Variants in WNK3 observed in about 807,000 individuals in gnomAD.
The protein encoded by WNK3 is WNK lysine deficient protein kinase 3.
WNK3 carries 18 observed loss-of-function variants against 116.7 expected under a neutral mutation model. That is an observed-to-expected ratio of 0.15 (90% confidence interval 0.11 to 0.23). The LOEUF (loss-of-function observed/expected upper bound fraction) is 0.23, where lower values mean the gene tolerates loss of function less well. Ranked by LOEUF, WNK3 falls within the 10% of genes least tolerant of loss-of-function variation. WNK3 has a pLI of 1.00. For missense variants in WNK3, 993 were observed against 1,323.8 expected (o/e 0.75, Z 3.88); for synonymous variants, 404 against 469.4 (o/e 0.86, Z 1.80).
intron 13 of WNK3, 32 bp downstream of exon 13, chrX:54,253,926 GA>G: frequency 1.1e-6 from 1 of 943,680 alleles, no homozygotes; most frequent in Non-Finnish European, 1.5e-6. Context: ...ACAGAATGCT[GA>G]AGGGAAGATA....
intron 1 of WNK3, among the ~76,000 whole-genome samples, chrX:54,345,421 C>A (rs1234545637): frequency 9.1e-6 from 1 of 110,145 alleles, no homozygotes; most frequent in African/African-American, 3.3e-5. Context: ...AAAACATACT[C>A]GGAATGAACT....
At chrX:54,230,842 A>G (rs1172446619) in intron 21 of WNK3, among the ~76,000 whole-genome samples, 2 of 112,490 alleles carry the variant, frequency 1.8e-5, no homozygotes, top group Non-Finnish European at 3.8e-5. Context: ...AGGAATCCCA[A>G]AGACAGCCTC....
At chrX:54,347,439 T>C (rs1214920602) in intron 1 of WNK3, among the ~76,000 whole-genome samples, 2 of 111,175 alleles carry the variant, frequency 1.8e-5, no homozygotes, top group Middle Eastern at 4.6e-3. Context: ...TGAGCCAAGA[T>C]AGCGCCACTG....
chrX:54,202,156 T>C (rs781897605), exon 23 of WNK3: 1 of 1,208,505 alleles, frequency 8.3e-7, no homozygotes, highest in South Asian at 1.8e-5. Context: ...CTGGAGACTG[T>C]TGGCATGATG....
intron 1 of WNK3, among the ~76,000 whole-genome samples, chrX:54,344,545 CCACAATCAATGAT>C (rs1178667125): frequency 8.8e-6 from 1 of 113,169 alleles, no homozygotes; most frequent in Non-Finnish European, 1.9e-5. Flanking sequence ...GTGGTTCTGA[CCACAATCAATGAT>C]CACAAACATA....
chrX:54,303,799 T>C (rs2068793596), intron 5 of WNK3, among the ~76,000 whole-genome samples: 1 of 111,748 alleles, frequency 8.9e-6, no homozygotes, highest in Non-Finnish European at 1.9e-5. Context: ...ATTGACCTGT[T>C]ATTCTACCTA....
At chrX:54,215,883 T>C (rs1247587484) in intron 22 of WNK3, among the ~76,000 whole-genome samples, 2 of 111,760 alleles carry the variant, frequency 1.8e-5, no homozygotes, top group African/African-American at 6.5e-5. Context: ...ATTGTTACTG[T>C]GTCTGTGTAG....
chrX:54,202,535 A>G (rs1201582626), intron 22 of WNK3, among the ~76,000 whole-genome samples: 1 of 110,041 alleles, frequency 9.1e-6, no homozygotes. Context: ...TACTAAAAAT[A>G]CAAAAATTAG....
intron 1 of WNK3, among the ~76,000 whole-genome samples, chrX:54,344,262 T>G (rs1221492597): frequency 4.5e-5 from 5 of 109,908 alleles, no homozygotes; most frequent in African/African-American, 9.9e-5. Context: ...GCTAACACGA[T>G]GAAACCCCGT....
At chrX:54,299,486 G>A (rs1364869100) in intron 6 of WNK3, among the ~76,000 whole-genome samples, 1 of 98,181 alleles carries the variant, frequency 1.0e-5, no homozygotes, top group Non-Finnish European at 2.0e-5. Flanking sequence ...GTGCAGTCGC[G>A]TGATCTTGGC....
At chrX:54,287,386 C>T (rs1207061389) in intron 10 of WNK3, among the ~76,000 whole-genome samples, 2 of 111,603 alleles carry the variant, frequency 1.8e-5, no homozygotes, top group East Asian at 5.7e-4. Flanking sequence ...CTGTTATTCC[C>T]TCTGTCTGAA....
chrX:54,254,807 T>C (rs1421020442), intron 12 of WNK3, among the ~76,000 whole-genome samples: 1 of 111,737 alleles, frequency 8.9e-6, no homozygotes, highest in Non-Finnish European at 1.9e-5. Flanking sequence ...AAGGCATACA[T>C]GATATATTAG....
At chrX:54,356,468 G>A in intron 1 of WNK3, among the ~76,000 whole-genome samples, 2 of 110,750 alleles carry the variant, frequency 1.8e-5, no homozygotes, top group Middle Eastern at 9.4e-3. Context: ...GCTCCACCAC[G>A]CCCGGCTAAG....
At chrX:54,196,634 T>TA (rs1557140218) in exon 24 of WNK3, 30 of 111,844 alleles carry the variant, frequency 2.7e-4, no homozygotes, top group Non-Finnish European at 1.9e-5. Flanking sequence ...GAAATGACCT[T>TA]AAAGTCTTCA....
Position 54,210,433 on chromosome X carries a change from C to A in WNK3, c.4871-8240G>T, listed in dbSNP as rs1035168726. Among the ~76,000 whole-genome samples, 6 of 111,112 alleles carry A rather than the reference C, an allele frequency of 5.4e-5. No homozygotes were observed. The Admixed American group carries it at 5.8e-4, about 11-fold the overall frequency. Reference sequence around the variant, plus strand: ...GTCAGGAGTTTGAAATCAGCCTGGGCAACATAGCAAGACCCCATCTCTACA... The same window carrying A: ...GTCAGGAGTTTGAAATCAGCCTGGGAAACATAGCAAGACCCCATCTCTACA... On this transcript the variant is annotated intron_variant, in intron 22 of 23. Coordinates refer to ENST00000354646, the Ensembl canonical transcript of WNK3.
chrX:54,310,602 G>A (rs934813105), intron 3 of WNK3, among the ~76,000 whole-genome samples: 8 of 67,543 alleles, frequency 1.2e-4, no homozygotes, highest in Admixed American at 8.7e-4. Flanking sequence ...CTCTATAATA[G>A]ATTTTTAATT....
intron 22 of WNK3, among the ~76,000 whole-genome samples, chrX:54,206,855 C>A (rs923391592): frequency 9.0e-6 from 1 of 111,182 alleles, no homozygotes; most frequent in Non-Finnish European, 1.9e-5. Flanking sequence ...CATGGTTAAA[C>A]CCTGTCTCTA....
chrX:54,218,088 C>G (rs1557145780), intron 22 of WNK3, among the ~76,000 whole-genome samples: 1 of 111,538 alleles, frequency 9.0e-6, no homozygotes, highest in Non-Finnish European at 1.9e-5. Flanking sequence ...ACAGTTGACC[C>G]TTGAACAAAA....
chrX:54,261,691 T>G (rs2068258656), intron 10 of WNK3, among the ~76,000 whole-genome samples: 1 of 112,056 alleles, frequency 8.9e-6, no homozygotes, highest in South Asian at 3.7e-4. Flanking sequence ...TATAATCTTC[T>G]TTTTACTGAA....
Sources: gnomAD v4.1 joint callset for allele counts (sites outside exome capture counted in the v4.1 genomes callset) on GRCh38, gnomAD v4.1.1 for gene constraint, MANE v1.5 for transcripts, NCBI Gene and HGNC (gene_info 2026-07-23, HGNC 2026-07-21) for gene names.